The following PTPRN2 variants were observed in gnomAD, a reference collection of about 807,000 sequenced individuals.
PTPRN2 encodes protein tyrosine phosphatase receptor type N2.
In PTPRN2, 74 loss-of-function variants were observed where a neutral mutation model predicts 118.8. That is an observed-to-expected ratio of 0.62 (90% CI 0.52 to 0.76). The LOEUF is 0.76. Among genes scored for constraint, PTPRN2 ranks in the 30% least tolerant of loss-of-function variants. The probability of loss-of-function intolerance (pLI) is 0.00; values close to 1 mark genes in which losing one functional copy is unlikely to be tolerated. For missense variants in PTPRN2, 1,481 were observed against 1,394.4 expected (o/e 1.06, Z -0.99); for synonymous variants, 641 against 608.0 (o/e 1.05, Z -0.80).
chr7:157,772,094 C>A (rs1802874871), intron 12 of PTPRN2, among the ~76,000 whole-genome samples: 1 of 151,066 alleles, frequency 6.6e-6, no homozygotes, highest in Non-Finnish European at 1.5e-5. Context: ...GACACAAACA[C>A]ACACATGGAT....
At chr7:157,584,953 C>T (rs887720444) in intron 17 of PTPRN2, among the ~76,000 whole-genome samples, 2 of 152,210 alleles carry the variant, frequency 1.3e-5, no homozygotes, top group East Asian at 1.9e-4. Context: ...GGCCACAGCA[C>T]GCACATTTGG....
At chr7:158,312,396 ACTCACATG>A (rs1248046195) in intron 3 of PTPRN2, among the ~76,000 whole-genome samples, 4 of 146,032 alleles carry the variant, frequency 2.7e-5, no homozygotes, top group Non-Finnish European at 6.0e-5. Flanking sequence ...CTGTACATGC[ACTCACATG>A]CTCACATGTA....
chr7:157,777,821 A>G (rs987946648), intron 12 of PTPRN2, among the ~76,000 whole-genome samples: 1 of 152,222 alleles, frequency 6.6e-6, no homozygotes. Flanking sequence ...ATTGTTATTT[A>G]CTTTAAAAGC....
At chr7:158,479,937 A>G (rs1167986329) in intron 2 of PTPRN2, among the ~76,000 whole-genome samples, 1 of 152,264 alleles carries the variant, frequency 6.6e-6, no homozygotes, top group Non-Finnish European at 1.5e-5. Flanking sequence ...TAATGACAGC[A>G]GCACCATGCA....
intron 1 of PTPRN2, among the ~76,000 whole-genome samples, chr7:158,531,162 C>T (rs568895680): frequency 2.3e-4 from 35 of 152,274 alleles, no homozygotes; most frequent in African/African-American, 7.2e-4. Context: ...GGTTACAGCC[C>T]GGCCAACAGC....
Position 158,106,915 on chromosome 7 carries a change from C to A in PTPRN2, c.1643+3914G>T, listed in dbSNP as rs1815735182. On this transcript the variant is annotated intron_variant, in intron 10 of 22. Coordinates refer to ENST00000389418, the MANE Select transcript of PTPRN2 (RefSeq NM_002847.5). ...AGCATAAAGAGGAAGATTTTAAGAT[C>A]CTGGAAGCATCTCAGCTCTTTCAGG... Among the ~76,000 whole-genome samples the A allele has an allele frequency of 2.0e-5, 3 of 152,170 alleles. No homozygotes were observed. In the South Asian group the frequency reaches 6.2e-4, roughly 32 times the overall value.
At chr7:158,492,841 A>G (rs796757649) in intron 1 of PTPRN2, among the ~76,000 whole-genome samples, 6 of 152,344 alleles carry the variant, frequency 3.9e-5, no homozygotes, top group African/African-American at 1.4e-4. Context: ...CGCCTCGGGC[A>G]CACGCCTTCC....
chr7:158,130,397 AC>A (rs937773643), intron 9 of PTPRN2, among the ~76,000 whole-genome samples: 11 of 151,802 alleles, frequency 7.2e-5, no homozygotes, highest in Non-Finnish European at 1.5e-4. Context: ...ACACACTTCT[AC>A]CCAACACACA....
chr7:157,606,559 C>T (rs554522999), intron 15 of PTPRN2, among the ~76,000 whole-genome samples: 17 of 152,378 alleles, frequency 1.1e-4, no homozygotes, highest in African/African-American at 3.8e-4. Flanking sequence ...TCCATCTTTT[C>T]TGAGAAAACA....
intron 2 of PTPRN2, among the ~76,000 whole-genome samples, chr7:158,459,330 C>CCCACT (rs10690042): frequency 9.0e-6 from 1 of 111,004 alleles, no homozygotes; most frequent in Admixed American, 9.5e-5. Flanking sequence ...CCAGAGCACC[C>CCCACT]GCCTGGGACG....
intron 21 of PTPRN2, among the ~76,000 whole-genome samples, chr7:157,559,041 C>A: frequency 6.6e-6 from 1 of 152,370 alleles, no homozygotes; most frequent in African/African-American, 2.4e-5. Context: ...GATCGCTGCC[C>A]TTCCCACACG....
chr7:158,407,021 CT>C (rs1813498769), intron 2 of PTPRN2, among the ~76,000 whole-genome samples: 1 of 152,210 alleles, frequency 6.6e-6, no homozygotes, highest in African/African-American at 2.4e-5. Flanking sequence ...CGTGCTCAGG[CT>C]GTCAGCAAGG....
rs559661819 is a variant in PTPRN2, at chr7:158,553,826, G to A, written c.112+33732C>T. 1.1e-4 allele frequency among the ~76,000 whole-genome samples: 17 copies of A among 149,872 alleles called. No individual in the cohort carries two copies. The East Asian group carries it at 2.8e-3, about 25-fold the overall frequency. On this transcript the variant is annotated intron_variant, in intron 1 of 22. Transcript: ENST00000389418. ...ATCCCAGCTCCTAACACATTGCATCGGGGGGGCTCTAACACATGCATTTGG... is the reference window on the plus strand; with the variant it reads ...ATCCCAGCTCCTAACACATTGCATCAGGGGGGCTCTAACACATGCATTTGG...
At chr7:157,578,292 G>A (rs1800165459) in intron 17 of PTPRN2, 152 bp from the exon 18 acceptor site, 1 of 969,020 alleles carries the variant, frequency 1.0e-6, no homozygotes. Flanking sequence ...GCAGCTGCCT[G>A]AGCATCTCTG....
At chr7:158,081,634 A>T (rs915852476) in intron 10 of PTPRN2, among the ~76,000 whole-genome samples, 1 of 152,216 alleles carries the variant, frequency 6.6e-6, no homozygotes. Context: ...TAAAAAATTC[A>T]CATCAACCTC....
chr7:158,571,521 ATTTC>A (rs145109547), intron 1 of PTPRN2, among the ~76,000 whole-genome samples: 12,291 of 117,586 alleles, frequency 0.1, 468 homozygotes, highest in East Asian at 0.3. Context: ...ACACACACCT[ATTTC>A]TTTTTTTTTT....
intron 14 of PTPRN2, among the ~76,000 whole-genome samples, chr7:157,624,063 C>T (rs976770463): frequency 2.6e-5 from 4 of 152,200 alleles, no homozygotes; most frequent in African/African-American, 9.6e-5. Context: ...AAAGGTACCA[C>T]GGGAGCTTAG....
At chr7:158,553,886 C>T (rs916338404) in intron 1 of PTPRN2, among the ~76,000 whole-genome samples, 2 of 151,746 alleles carry the variant, frequency 1.3e-5, no homozygotes, top group African/African-American at 4.8e-5. Flanking sequence ...TACACAACTT[C>T]CCCATGTACA....
chr7:158,212,338 A>G (rs868020149), intron 3 of PTPRN2, among the ~76,000 whole-genome samples: 2 of 152,360 alleles, frequency 1.3e-5, no homozygotes, highest in Non-Finnish European at 2.9e-5. Flanking sequence ...GGGTAACTAC[A>G]GTCAACAATA....
Sources: gnomAD v4.1 joint callset for allele counts (sites outside exome capture counted in the v4.1 genomes callset) on GRCh38, gnomAD v4.1.1 for gene constraint, MANE v1.5 for transcripts, NCBI Gene and HGNC (gene_info 2026-07-23, HGNC 2026-07-21) for gene names.